CACNA2D2: variants seen among roughly 807,000 people sequenced by gnomAD.
CACNA2D2 encodes voltage-dependent calcium channel subunit alpha-2/delta-2.
CACNA2D2 carries 48 observed loss-of-function variants against 166.4 expected under a neutral mutation model. The observed-to-expected ratio is 0.29, with a 90% CI of 0.23 to 0.37. The LOEUF (loss-of-function observed/expected upper bound fraction) is 0.37, where lower values mean the gene tolerates loss of function less well. Among genes scored for constraint, CACNA2D2 ranks in the 10% least tolerant of loss-of-function variants. The pLI is 1.00. For missense variants in CACNA2D2, 1,122 were observed against 1,433.0 expected (o/e 0.78, Z 3.50); for synonymous variants, 561 against 573.7 (o/e 0.98, Z 0.32).
chr3:50,492,821 G>A (rs1328873019), intron 1 of CACNA2D2, among the ~76,000 whole-genome samples: 1 of 151,562 alleles, frequency 6.6e-6, no homozygotes, highest in African/African-American at 2.4e-5. Flanking sequence ...CCTGTGGCTA[G>A]GGGTTGCCTG....
At chr3:50,488,816 C>T (rs1318782932) in intron 1 of CACNA2D2, among the ~76,000 whole-genome samples, 2 of 152,040 alleles carry the variant, frequency 1.3e-5, no homozygotes, top group East Asian at 3.9e-4. Flanking sequence ...TCTCCTTCCT[C>T]AGCCTCCCGA....
chr3:50,375,526 C>A lies in CACNA2D2; in HGVS notation c.1907+118G>T. 9.4e-7 allele frequency: 1 copy of A among 1,061,624 alleles called. No individual in the cohort carries two copies. The highest frequency in any genetic ancestry group is 1.5e-5 in the African/African-American group (1 of 64,528). The allele number at this position is 1,061,624 out of a possible 1,614,324, so 65.8% of individuals were successfully genotyped here. ...GCATCTCAGGGTGAGTAGTGAGCAG[C>A]CCTGGCCACTGGTGCCCCACTGGGA... On this transcript the variant is annotated intron_variant, in intron 21 of 37. Coordinates refer to ENST00000424201, the MANE Select transcript of CACNA2D2 (RefSeq NM_006030.4). This position sits in a 1 kb window ranked among gnomAD's most constrained non-coding sequence, Gnocchi z 4.0.
At chr3:50,422,588 G>A (rs554027054) in intron 3 of CACNA2D2, among the ~76,000 whole-genome samples, 30 of 152,298 alleles carry the variant, frequency 2.0e-4, no homozygotes, top group African/African-American at 6.5e-4. Context: ...TTTCAATAGC[G>A]ATAGCCACAC....
At chr3:50,443,578 C>G (rs1708706700) in intron 2 of CACNA2D2, among the ~76,000 whole-genome samples, 1 of 152,212 alleles carries the variant, frequency 6.6e-6, no homozygotes, top group Non-Finnish European at 1.5e-5. Flanking sequence ...CCGGCCTGCC[C>G]TTCAGTCCGT....
intron 2 of CACNA2D2, among the ~76,000 whole-genome samples, chr3:50,441,149 T>C (rs1409326375): frequency 6.6e-6 from 1 of 152,090 alleles, no homozygotes; most frequent in East Asian, 1.9e-4. Context: ...AGGAGGGACA[T>C]GTGACTGACC....
chr3:50,393,309 C>T (rs1705975449), intron 4 of CACNA2D2, among the ~76,000 whole-genome samples: 1 of 152,192 alleles, frequency 6.6e-6, no homozygotes, highest in Non-Finnish European at 1.5e-5. Flanking sequence ...GCCCAGACAC[C>T]CCAGCAGCTG....
rs1186407131 is a variant in CACNA2D2, at chr3:50,427,405, T to TCA, written c.405+6907_405+6908insTG. Reference sequence around the variant, plus strand: ...ACTTGCCAGGAAGCAGCGGCACTGTTTGGGTGAGGGGAGAATAATCAGCTG... The same window carrying TCA: ...ACTTGCCAGGAAGCAGCGGCACTGTTCATGGGTGAGGGGAGAATAATCAGCTG... On this transcript the variant is annotated intron_variant, in intron 3 of 37. Transcript: ENST00000424201. This position sits in a 1 kb window ranked among gnomAD's most constrained non-coding sequence, Gnocchi z 4.7. Among the ~76,000 whole-genome samples the TCA allele has an allele frequency of 4.6e-5, 7 of 152,126 alleles. No individual in the cohort carries two copies. Among genetic ancestry groups the TCA allele is most frequent in the African/African-American group, 1.7e-4 (7 of 41,436 alleles).
Position 50,485,094 on chromosome 3 carries a change from G to C in CACNA2D2, c.207-8895C>G, listed in dbSNP as rs1019913279. ...GCTCTCCCAGAAGGCCCTGGCGCTAGAGCAGCCACTTCTTCCAGGAAGCAG... is the reference window on the plus strand; with the variant it reads ...GCTCTCCCAGAAGGCCCTGGCGCTACAGCAGCCACTTCTTCCAGGAAGCAG... On this transcript the variant is annotated intron_variant, in intron 1 of 37. Transcript: ENST00000424201. 2.6e-5 allele frequency among the ~76,000 whole-genome samples: 4 copies of C among 152,246 alleles called. No individual in the cohort carries two copies. The East Asian group carries it at 7.7e-4, about 29-fold the overall frequency.
chr3:50,379,005 T>C lies in CACNA2D2; in HGVS notation c.1261-12A>G. On this transcript the variant is annotated splice_polypyrimidine_tract_variant and intron_variant, in intron 12 of 37. Transcript: ENST00000424201. The surrounding 1 kb of genome is among the most constrained non-coding windows in gnomAD (Gnocchi z 6.5). The stretch of plus-strand genomic sequence containing the variant: ...GTAAACACGCGCACCTGTGGGGGGT[T>C]TGAGGTTACTGCTGTGGCCACCAGG... The C allele has an allele frequency of 1.9e-6, 3 of 1,613,862 alleles. No homozygotes were observed. The highest frequency in any genetic ancestry group is 2.2e-5 in the East Asian group (1 of 44,876).
chr3:50,502,906 G>A (rs1379158308), intron 1 of CACNA2D2, among the ~76,000 whole-genome samples: 1 of 152,220 alleles, frequency 6.6e-6, no homozygotes. Flanking sequence ...CCGGGTCAGC[G>A]GCAGGGGAAT....
chr3:50,418,152 A>T (rs574840039), intron 3 of CACNA2D2, among the ~76,000 whole-genome samples: 1 of 152,158 alleles, frequency 6.6e-6, no homozygotes, highest in African/African-American at 2.4e-5. Context: ...CTTCTCTGTG[A>T]TCACCCCCAC....
In CACNA2D2 at chr3:50,379,989, T is replaced by A. The variant is rs745801103; in HGVS notation, c.872A>T (p.Asp291Val). Residue 291 changes from aspartate to valine, a missense_variant, in exon 9 of 38, where the codon GAC (aspartate) becomes GTC (valine). Asp to Val is a radical substitution (Grantham distance 152). Around this residue, in one of 2 missense-constraint regions of CACNA2D2, gnomAD observed 840 missense variants for 1,166.8 expected, o/e 0.72. Coordinates refer to ENST00000424201, the MANE Select transcript of CACNA2D2 (RefSeq NM_006030.4). The surrounding 1 kb of genome is among the most constrained non-coding windows in gnomAD (Gnocchi z 6.5). ...WYIQGASSPK[D>V]MVIIVDVSGS... is the part of the protein sequence containing the mutation. ...TCACACATCCACGATGATGACCATGTCTTTGGGTGACGAGGCCCCCTGGAT... is the reference window on the plus strand; with the variant it reads ...TCACACATCCACGATGATGACCATGACTTTGGGTGACGAGGCCCCCTGGAT... 6.2e-7 allele frequency: 1 copy of A among 1,614,038 alleles called. No homozygotes were observed. The highest frequency in any genetic ancestry group is 8.5e-7 in the Non-Finnish European group (1 of 1,180,016).
intron 2 of CACNA2D2, among the ~76,000 whole-genome samples, chr3:50,453,857 A>G (rs1709221344): frequency 6.6e-6 from 1 of 152,084 alleles, no homozygotes; most frequent in African/African-American, 2.4e-5. Flanking sequence ...AGGTAGGCTA[A>G]TGTGGAGGGG....
rs1032162042 is a variant in CACNA2D2 at position 50,365,288 on chromosome 3, C to T, written c.3098+68G>A. ...CGCTCGGAGGCCCCGCCCCTTCCAT[C>T]CTCCCGAGCGTCTCGCCCCGCTCAC... On this transcript the variant is annotated intron_variant, in intron 35 of 37. Coordinates refer to ENST00000424201, the MANE Select transcript of CACNA2D2 (RefSeq NM_006030.4). The surrounding 1 kb of genome is among the most constrained non-coding windows in gnomAD (Gnocchi z 4.5). The T allele has an allele frequency of 5.4e-6, 8 of 1,472,820 alleles. No homozygotes were observed. Among genetic ancestry groups the T allele is most frequent in the Admixed American group, 1.9e-5 (1 of 51,996 alleles). The allele number at this position is 1,472,820 out of a possible 1,614,324, so 91.2% of individuals were successfully genotyped here.
In CACNA2D2 at chr3:50,367,584, G is replaced by A. The variant is rs1192221121; in HGVS notation, c.2297+58C>T. On this transcript the variant is annotated intron_variant, in intron 26 of 37. Coordinates refer to ENST00000424201, the MANE Select transcript of CACNA2D2 (RefSeq NM_006030.4). The surrounding 1 kb of genome is among the most constrained non-coding windows in gnomAD (Gnocchi z 6.5). ...ACAGATGCAAGGAGGCCTCTGGGCA[G>A]AACAGATGCAGGTTCCCTGGCAGGG... The A allele has an allele frequency of 4.4e-6, 7 of 1,603,232 alleles. No homozygotes were observed. In the Admixed American group the frequency reaches 1.2e-4, roughly 27 times the overall value.
At chr3:50,391,664 C>A (rs573582858) in intron 4 of CACNA2D2, among the ~76,000 whole-genome samples, 12 of 152,258 alleles carry the variant, frequency 7.9e-5, no homozygotes, top group Non-Finnish European at 1.5e-4. Context: ...CCCAACCCCC[C>A]AGGCTGAGGT....
intron 3 of CACNA2D2, chr3:50,415,914 G>A (rs1453204664): frequency 2.0e-5 from 3 of 152,364 alleles, no homozygotes; most frequent in East Asian, 3.9e-4. Flanking sequence ...CCAGAATGTT[G>A]TGGGCATCCG....
chr3:50,474,243 A>G (rs544381151), intron 2 of CACNA2D2, among the ~76,000 whole-genome samples: 62 of 152,358 alleles, frequency 4.1e-4, no homozygotes, highest in African/African-American at 1.5e-3. Flanking sequence ...CTCAAGTCCC[A>G]TGAGAAAGGA....
At chr3:50,423,766 CA>C (rs1275053707) in intron 3 of CACNA2D2, among the ~76,000 whole-genome samples, 1 of 152,246 alleles carries the variant, frequency 6.6e-6, no homozygotes, top group East Asian at 1.9e-4. Flanking sequence ...CCCAGCCTCT[CA>C]AACAAGGGCC....
Sources: allele counts gnomAD v4.1 joint callset (sites outside exome capture counted in the v4.1 genomes callset), GRCh38; gene constraint gnomAD v4.1.1; regional missense constraint gnomAD v4.1.1; non-coding constraint Gnocchi (gnomAD v3.1); transcripts MANE v1.5; gene names NCBI Gene and HGNC (gene_info 2026-07-23, HGNC 2026-07-21).